The following MAL2 variants were observed in gnomAD, a reference collection of about 807,000 sequenced individuals.
MAL2 encodes mal, T cell differentiation protein 2.
Under a neutral mutation model 18.1 loss-of-function variants are expected in MAL2, and 17 were observed. The ratio of observed to expected loss-of-function variants is 0.94; its 90% CI spans 0.64 to 1.41. MAL2 has a LOEUF of 1.41. Among genes scored for constraint, MAL2 ranks in the 40% most tolerant of loss-of-function variants. The probability of loss-of-function intolerance (pLI) is 0.00; values close to 1 mark genes in which losing one functional copy is unlikely to be tolerated. For synonymous variants in MAL2, 102 were observed against 102.3 expected, an observed-to-expected ratio of 1.00 and a Z score of 0.02; for missense variants, 222 against 231.9, an observed-to-expected ratio of 0.96 and a Z score of 0.28.
intron 2 of MAL2, among the ~76,000 whole-genome samples, chr8:119,226,791 C>A (rs766186097): frequency 4.5e-4 from 69 of 152,320 alleles, no homozygotes; most frequent in Non-Finnish European, 8.2e-4. Context: ...TCCACCCTGA[C>A]CTGCTAAGTC....
At chr8:119,226,838 TA>T (rs1442368276) in intron 2 of MAL2, among the ~76,000 whole-genome samples, 4 of 152,226 alleles carry the variant, frequency 2.6e-5, no homozygotes, top group Non-Finnish European at 5.9e-5. Flanking sequence ...GTCTTGTGTT[TA>T]AACAAGCTCT....
At chr8:119,231,960 G>A (rs1009039169) in intron 2 of MAL2, among the ~76,000 whole-genome samples, 19 of 152,140 alleles carry the variant, frequency 1.2e-4, no homozygotes, top group Non-Finnish European at 8.8e-5. Flanking sequence ...CAGAATTTCA[G>A]TTAGGAGAAA....
intron 1 of MAL2, among the ~76,000 whole-genome samples, chr8:119,209,943 G>A (rs1439885087): frequency 2.0e-5 from 3 of 152,044 alleles, no homozygotes; most frequent in South Asian, 2.1e-4. Flanking sequence ...GCCTTGCTGT[G>A]GGAGGGAGAC....
At chr8:119,226,407 C>G (rs1036896084) in intron 2 of MAL2, among the ~76,000 whole-genome samples, 14 of 148,722 alleles carry the variant, frequency 9.4e-5, no homozygotes, top group Middle Eastern at 3.3e-3. Context: ...TCCTTTCCCC[C>G]CCTTTTTTTT....
chr8:119,240,298 A>G lies in MAL2; in HGVS notation c.437A>G (p.Tyr146Cys), dbSNP rs1818021715. 11 of 1,613,636 alleles carry G rather than the reference A, an allele frequency of 6.8e-6. No homozygotes were observed. Among genetic ancestry groups the G allele is most frequent in the Non-Finnish European group, 9.3e-6 (11 of 1,179,724 alleles). The change falls in exon 3 of 4, where the codon TAT becomes TGT. Residue 146 changes from tyrosine (Y) to cysteine (C), a missense_variant. Physicochemically the swap from Tyr to Cys is radical, Grantham distance 194. Transcript: ENST00000614891. ...TGQPLLSDNQ[Y>C]NINVAASIFA... is the part of the protein sequence containing the mutation. ...CAGCCACTCCTGAGTGATAACCAGT[A>G]TAACATAAACGTAGCAGCCTCAGTA...
chr8:119,231,899 T>G (rs547021182), intron 2 of MAL2, among the ~76,000 whole-genome samples: 1 of 151,748 alleles, frequency 6.6e-6, no homozygotes, highest in East Asian at 1.9e-4. Flanking sequence ...AGAATGGTGA[T>G]TACCAGGGTA....
At chr8:119,229,855 C>T (rs935277154) in intron 2 of MAL2, among the ~76,000 whole-genome samples, 1 of 152,136 alleles carries the variant, frequency 6.6e-6, no homozygotes, top group African/African-American at 2.4e-5. Context: ...TTCCCTGTGG[C>T]CATAGGTACG....
At position 119,245,489 on chromosome 8, in the gene MAL2, T is replaced by C. The variant is rs1212002529; in HGVS notation, c.*2001T>C. On this transcript the variant is annotated 3_prime_UTR_variant, in exon 4 of 4. Transcript: ENST00000614891. ...GTGAATACTTAGATTTGTAGCTTAA[T>C]CACATTCTAGACTTGTGAGTTGAAT... 6.6e-6 allele frequency: 1 copy of C among 152,634 alleles called. No homozygotes were observed. The allele number at this position is 152,634 out of a possible 1,614,324, so 9.5% of individuals were successfully genotyped here. A position where few individuals can be genotyped will look rare whatever the true frequency, so the allele number is the denominator to read the frequency against.
At chr8:119,221,811 C>G in intron 2 of MAL2, 54 bp downstream of exon 2, 1 of 1,565,860 alleles carries the variant, frequency 6.4e-7, no homozygotes. Context: ...AACCTGTATC[C>G]TATTCTGTTC....
At chr8:119,236,982 C>CA (rs1817916038) in intron 2 of MAL2, among the ~76,000 whole-genome samples, 2 of 151,166 alleles carry the variant, frequency 1.3e-5, no homozygotes, top group Non-Finnish European at 2.9e-5. Context: ...AAAAACCCTT[C>CA]AAAAAATCAG....
At chr8:119,216,000 CT>C (rs376321795) in intron 1 of MAL2, among the ~76,000 whole-genome samples, 2,051 of 151,722 alleles carry the variant, frequency 0.014, 57 homozygotes, top group African/African-American at 0.048. Context: ...TGTAGATAAT[CT>C]TTTTTTTTCT....
At chr8:119,216,216 C>T (rs1817351543) in intron 1 of MAL2, among the ~76,000 whole-genome samples, 1 of 152,006 alleles carries the variant, frequency 6.6e-6, no homozygotes. Context: ...ATGTACTTGT[C>T]CACCCAATTT....
At position 119,211,886 on chromosome 8, in the gene MAL2, C is replaced by T. The variant is rs564733665; in HGVS notation, c.132+3282C>T. Among the ~76,000 whole-genome samples, 5 of 152,212 alleles carry T rather than the reference C, an allele frequency of 3.3e-5. No individual in the cohort carries two copies. In the South Asian group the frequency reaches 1.0e-3, roughly 32 times the overall value. ...TGGAAGCCATCACCTTCAAAATTCG[C>T]ACTTTCAAAATCTCACAGTTTTTTG... On this transcript the variant is annotated intron_variant, in intron 1 of 3. Coordinates refer to ENST00000614891, the MANE Select transcript of MAL2 (RefSeq NM_052886.3).
chr8:119,240,565 G>A (rs1055764581), intron 3 of MAL2, among the ~76,000 whole-genome samples: 3 of 152,232 alleles, frequency 2.0e-5, no homozygotes, highest in Admixed American at 6.5e-5. Context: ...AAGCCAGTAG[G>A]ACTGCTTGGC....
chr8:119,226,756 G>A (rs1052531150), intron 2 of MAL2, among the ~76,000 whole-genome samples: 4 of 152,198 alleles, frequency 2.6e-5, no homozygotes, highest in Admixed American at 1.3e-4. Context: ...ATCTGGAAAC[G>A]TGTCAGAAAT....
intron 2 of MAL2, among the ~76,000 whole-genome samples, chr8:119,231,039 T>G (rs1406747235): frequency 4.6e-5 from 7 of 152,098 alleles, no homozygotes; most frequent in Non-Finnish European, 8.8e-5. Context: ...TTTTTATTTT[T>G]TGTTTGTTTT....
rs533184741 is a variant in MAL2, at chr8:119,225,569, G to A, written c.303+3812G>A. 4.8e-3 allele frequency among the ~76,000 whole-genome samples: 726 copies of A among 152,210 alleles called. 1 individual carries two copies. The highest frequency in any genetic ancestry group is 0.015 in the African/African-American group (616 of 41,522). ...AGTCTTTGCTATTGTGAATAGTGCC[G>A]CAATAAACATACGTGTGCATGTGTC... On this transcript the variant is annotated intron_variant, in intron 2 of 3. Transcript: ENST00000614891.
At chr8:119,215,272 T>G (rs1817330733) in intron 1 of MAL2, 1 of 152,188 alleles carries the variant, frequency 6.6e-6, no homozygotes, top group Non-Finnish European at 1.5e-5. Flanking sequence ...TTCATGCCTA[T>G]TTTTGGACAT....
intron 2 of MAL2, among the ~76,000 whole-genome samples, chr8:119,234,301 G>A (rs1460406045): frequency 6.6e-6 from 1 of 152,216 alleles, no homozygotes; most frequent in Non-Finnish European, 1.5e-5. Flanking sequence ...CTGGCTGGGA[G>A]GGTCCTATGC....
Sources: gnomAD v4.1 joint callset for allele counts (sites outside exome capture counted in the v4.1 genomes callset) on GRCh38, gnomAD v4.1.1 for gene constraint, MANE v1.5 for transcripts, NCBI Gene and HGNC (gene_info 2026-07-23, HGNC 2026-07-21) for gene names.